Variants in DLGAP2 observed in about 807,000 individuals in gnomAD.
The protein encoded by DLGAP2 is DLG associated protein 2.
Under a neutral mutation model 100.3 loss-of-function variants are expected in DLGAP2, and 26 were observed. That is an observed-to-expected ratio of 0.26 (90% CI 0.19 to 0.36). The LOEUF (loss-of-function observed/expected upper bound fraction) is 0.36. Among genes scored for constraint, DLGAP2 ranks in the 10% least tolerant of loss-of-function variants. The pLI, the probability that DLGAP2 is intolerant of heterozygous loss-of-function variation, is 1.00. For missense variants in DLGAP2, 1,858 were observed against 1,453.2 expected (o/e 1.28, Z -4.53); for synonymous variants, 886 against 630.1 (o/e 1.41, Z -6.08).
At chr8:900,576 C>T (rs1189540572) in intron 1 of DLGAP2, among the ~76,000 whole-genome samples, 6 of 152,188 alleles carry the variant, frequency 3.9e-5, no homozygotes, top group Non-Finnish European at 5.9e-5. Flanking sequence ...CCTTGTTCCC[C>T]ATCAGAATTT....
chr8:1,257,412 C>G (rs967310600), intron 2 of DLGAP2, among the ~76,000 whole-genome samples: 7 of 152,128 alleles, frequency 4.6e-5, no homozygotes, highest in African/African-American at 1.7e-4. Context: ...ACGCCCTCCG[C>G]TCACCTCTCT....
chr8:1,269,054 G>C (rs1799526292), intron 3 of DLGAP2, among the ~76,000 whole-genome samples: 1 of 152,138 alleles, frequency 6.6e-6, no homozygotes, highest in Non-Finnish European at 1.5e-5. Context: ...TGAACCAATA[G>C]GGCATACAGA....
chr8:920,983 T>G (rs1156483756), intron 2 of DLGAP2, among the ~76,000 whole-genome samples: 1 of 151,930 alleles, frequency 6.6e-6, no homozygotes, highest in East Asian at 1.9e-4. Context: ...ATTCCCCGGG[T>G]GCTCTTGGAA....
Position 1,123,025 on chromosome 8 carries a change from C to A in DLGAP2, c.74-135826C>A, listed in dbSNP as rs191328461. Among the ~76,000 whole-genome samples the A allele has an allele frequency of 2.0e-3, 302 of 152,304 alleles. 9 individuals carry two copies. Among genetic ancestry groups the A allele is most frequent in the Non-Finnish European group, 2.1e-3 (140 of 68,026 alleles). On this transcript the variant is annotated intron_variant, in intron 2 of 14. Coordinates refer to ENST00000637795, the MANE Select transcript of DLGAP2 (RefSeq NM_001346810.2). ...TCAGCATAATTCTATGCCTTCAAAT[C>A]TTTTATACAAACTGGGTTGGGGGCA...
chr8:1,184,358 C>T (rs748213600), intron 2 of DLGAP2, among the ~76,000 whole-genome samples: 1 of 152,212 alleles, frequency 6.6e-6, no homozygotes, highest in Non-Finnish European at 1.5e-5. Context: ...GGAGTGTGGG[C>T]GCTTCTGGGG....
intron 2 of DLGAP2, among the ~76,000 whole-genome samples, chr8:1,204,442 G>A (rs1265938157): frequency 6.6e-6 from 1 of 152,250 alleles, no homozygotes; most frequent in Non-Finnish European, 1.5e-5. Flanking sequence ...AAGCCAGGCT[G>A]ACCGTGTAAT....
intron 5 of DLGAP2, among the ~76,000 whole-genome samples, chr8:1,556,865 C>T (rs920284946): frequency 1.3e-5 from 2 of 152,172 alleles, no homozygotes; most frequent in Non-Finnish European, 2.9e-5. Flanking sequence ...AGCAGCATCG[C>T]GAAGATCTCT....
At chr8:985,881 C>A (rs1379736814) in intron 2 of DLGAP2, among the ~76,000 whole-genome samples, 1 of 152,110 alleles carries the variant, frequency 6.6e-6, no homozygotes, top group Non-Finnish European at 1.5e-5. Context: ...TGACAAACCC[C>A]CTGTTTCAGC....
chr8:1,488,771 T>C (rs1293209060), intron 3 of DLGAP2, among the ~76,000 whole-genome samples: 2 of 152,198 alleles, frequency 1.3e-5, no homozygotes, highest in Non-Finnish European at 1.5e-5. Context: ...ATTCAGATGC[T>C]GTGTGTTCCC....
intron 3 of DLGAP2, among the ~76,000 whole-genome samples, chr8:1,274,108 G>T (rs1181625072): frequency 1.3e-5 from 2 of 151,948 alleles, no homozygotes; most frequent in African/African-American, 4.8e-5. Flanking sequence ...GCAAGAGTCA[G>T]ATTTTTTTAC....
chr8:1,517,082 G>A (rs1800418240), intron 4 of DLGAP2, among the ~76,000 whole-genome samples: 2 of 152,146 alleles, frequency 1.3e-5, no homozygotes, highest in African/African-American at 2.4e-5. Context: ...CCATCTTGAA[G>A]GCCGCAGCCT....
At chr8:996,496 G>A (rs929159721) in intron 2 of DLGAP2, among the ~76,000 whole-genome samples, 2 of 152,188 alleles carry the variant, frequency 1.3e-5, no homozygotes, top group Non-Finnish European at 2.9e-5. Context: ...GTGGCCGGAG[G>A]CTCAGGTTTG....
intron 2 of DLGAP2, among the ~76,000 whole-genome samples, chr8:1,207,028 C>G (rs1435475105): frequency 6.6e-6 from 1 of 152,194 alleles, no homozygotes; most frequent in Non-Finnish European, 1.5e-5. Flanking sequence ...CAGAGCTCAC[C>G]CAGGTTTCAC....
intron 6 of DLGAP2, among the ~76,000 whole-genome samples, chr8:1,590,544 T>C (rs1441818681): frequency 2.0e-5 from 3 of 152,234 alleles, no homozygotes; most frequent in African/African-American, 7.2e-5. Context: ...CTTTCCTCAG[T>C]TATCTGTCTT....
rs773602605 is a variant in DLGAP2 at position 1,219,470 on chromosome 8, C to G, written c.74-39381C>G. Among the ~76,000 whole-genome samples, 4 of 152,160 alleles carry G rather than the reference C, an allele frequency of 2.6e-5. No homozygotes were observed. In the East Asian group the frequency reaches 5.8e-4, roughly 22 times the overall value. ...GCATCCAGGAATCAATATTGCCTGC[C>G]TGACCGTGGTGGATTAGCATCTTAA... On this transcript the variant is annotated intron_variant, in intron 2 of 14. Coordinates refer to ENST00000637795, the MANE Select transcript of DLGAP2 (RefSeq NM_001346810.2).
At chr8:1,601,584 T>C (rs1796625857) in intron 6 of DLGAP2, among the ~76,000 whole-genome samples, 1 of 144,500 alleles carries the variant, frequency 6.9e-6, no homozygotes, top group Non-Finnish European at 1.5e-5. Context: ...AGAGCAGTTT[T>C]ACAGGCTTTT....
At chr8:1,175,255 C>G (rs1336892485) in intron 2 of DLGAP2, among the ~76,000 whole-genome samples, 2 of 149,646 alleles carry the variant, frequency 1.3e-5, no homozygotes, top group East Asian at 3.9e-4. Flanking sequence ...AAAAAAAAAA[C>G]CTAAGAAGTG....
chr8:829,370 G>T (rs908422274), intron 1 of DLGAP2, among the ~76,000 whole-genome samples: 18 of 152,168 alleles, frequency 1.2e-4, no homozygotes, highest in African/African-American at 4.3e-4. Flanking sequence ...CAAATGCCCC[G>T]AGGTCTCTCT....
At chr8:1,445,851 CA>C (rs1470110155) in intron 3 of DLGAP2, among the ~76,000 whole-genome samples, 5 of 152,230 alleles carry the variant, frequency 3.3e-5, no homozygotes, top group African/African-American at 9.6e-5. Context: ...TGATGATGAG[CA>C]TATTTTCATG....
Sources: allele counts gnomAD v4.1 joint callset (sites outside exome capture counted in the v4.1 genomes callset), GRCh38; gene constraint gnomAD v4.1.1; transcripts MANE v1.5; gene names NCBI Gene and HGNC (gene_info 2026-07-23, HGNC 2026-07-21).